WDR17: variants seen among roughly 807,000 people sequenced by gnomAD.
The protein encoded by WDR17 is WD repeat domain 17.
Under a neutral mutation model 161.7 loss-of-function variants are expected in WDR17, and 143 were observed. The observed-to-expected ratio is 0.88, with a 90% CI of 0.77 to 1.02. The LOEUF is 1.02. WDR17 is among the 50% of genes least tolerant of loss of function. WDR17 has a pLI of 0.00. For missense variants in WDR17, 1,469 were observed against 1,520.9 expected, an observed-to-expected ratio of 0.97 and a Z score of 0.57; for synonymous variants, 517 against 515.6, an observed-to-expected ratio of 1.00 and a Z score of -0.04.
At chr4:176,163,351 A>G in intron 22 of WDR17, 58 bp downstream of exon 22, 1 of 1,533,576 alleles carries the variant, frequency 6.5e-7, no homozygotes, top group Non-Finnish European at 8.8e-7. Context: ...TTTTTAAAAC[A>G]TTATAAATTC....
chr4:176,120,201 C>T, intron 4 of WDR17, 104 bp downstream of exon 4: 1 of 771,598 alleles, frequency 1.3e-6, no homozygotes, highest in Non-Finnish European at 2.0e-6. Flanking sequence ...GTGAATAAAA[C>T]CAAAAGTGAC....
chr4:176,176,934 A>T, intron 26 of WDR17, 124 bp from the exon 27 acceptor site: 1 of 642,722 alleles, frequency 1.6e-6, no homozygotes, highest in Non-Finnish European at 2.7e-6. Flanking sequence ...TATGTATATT[A>T]TATATAACGT....
chr4:176,110,577 T>G (rs1286322161), intron 1 of WDR17, among the ~76,000 whole-genome samples: 1 of 152,208 alleles, frequency 6.6e-6, no homozygotes, highest in Non-Finnish European at 1.5e-5. Flanking sequence ...TGCACAAATG[T>G]GTTTTTTAAG....
intron 1 of WDR17, among the ~76,000 whole-genome samples, chr4:176,102,614 G>C (rs1305494201): frequency 6.6e-6 from 1 of 152,144 alleles, no homozygotes; most frequent in Non-Finnish European, 1.5e-5. Flanking sequence ...CAGTAGACTG[G>C]TGGATAAATA....
chr4:176,106,745 G>GGAGTTC (rs1738796749), intron 1 of WDR17, among the ~76,000 whole-genome samples: 1 of 152,160 alleles, frequency 6.6e-6, no homozygotes, highest in African/African-American at 2.4e-5. Context: ...CTTGAGGCCA[G>GGAGTTC]GAGTTCGAGA....
intron 1 of WDR17, among the ~76,000 whole-genome samples, chr4:176,082,929 A>G (rs1385617): frequency 0.26 from 39,419 of 152,016 alleles, 5,948 homozygotes; most frequent in Admixed American, 0.43. Flanking sequence ...TTTCTGCTAC[A>G]TCAAGCCACT....
intron 1 of WDR17, among the ~76,000 whole-genome samples, chr4:176,093,006 C>A (rs562005635): frequency 1.3e-5 from 2 of 152,102 alleles, no homozygotes; most frequent in Admixed American, 6.6e-5. Flanking sequence ...TGTGCCACTA[C>A]ACTCCAGCCT....
At chr4:176,088,747 C>G (rs1230819357) in intron 1 of WDR17, among the ~76,000 whole-genome samples, 1 of 152,166 alleles carries the variant, frequency 6.6e-6, no homozygotes, top group Non-Finnish European at 1.5e-5. Context: ...TTTCCTTGAT[C>G]TAATCCATCT....
intron 21 of WDR17, 112 bp from the exon 22 acceptor site, chr4:176,163,042 A>T (rs1379283022): frequency 7.6e-7 from 1 of 1,313,084 alleles, no homozygotes; most frequent in Non-Finnish European, 1.1e-6. Context: ...ATTTTATAAG[A>T]ATAATTGATT....
chr4:176,106,022 C>T (rs544771649), intron 1 of WDR17, among the ~76,000 whole-genome samples: 5 of 151,970 alleles, frequency 3.3e-5, no homozygotes, highest in South Asian at 4.1e-4. Flanking sequence ...AAATTAAAAA[C>T]GTTATAAGAT....
chr4:176,163,318 T>G (rs1749319105), intron 22 of WDR17, 25 bp downstream of exon 22: 3 of 1,583,962 alleles, frequency 1.9e-6, no homozygotes, highest in Admixed American at 3.8e-5. Context: ...ATTCAAAGAA[T>G]AATTTCATAG....
rs150869290 is a variant in WDR17 at position 176,172,395 on chromosome 4, A to C, written c.3123A>C (p.Glu1041Asp). The change falls in exon 24 of 29, where the codon GAA becomes GAC. Residue 1041 changes from glutamate to aspartate, a missense_variant. By Grantham distance (45) the Glu-to-Asp change is conservative. Transcript: ENST00000508596. ...TCTAGTGTAAGCTACCCACAGTGGA[A>C]GAATGTATGCAGTTAGCTGAGACAG... The part of the protein sequence containing the change: ...LHDKCKLPTV[E>D]ECMQLAETAR... 5.0e-6 allele frequency: 8 copies of C among 1,608,004 alleles called. No individual in the cohort carries two copies. Among genetic ancestry groups the C allele is most frequent in the Non-Finnish European group, 6.8e-6 (8 of 1,178,690 alleles).
At chr4:176,143,942 G>A (rs943387652) in intron 11 of WDR17, among the ~76,000 whole-genome samples, 1 of 152,070 alleles carries the variant, frequency 6.6e-6, no homozygotes, top group African/African-American at 2.4e-5. Context: ...AGGATAAAAT[G>A]AAAACTTTTA....
chr4:176,076,408 G>GTTTTTTT (rs564678477), intron 1 of WDR17, among the ~76,000 whole-genome samples: 2 of 109,366 alleles, frequency 1.8e-5, no homozygotes, highest in Non-Finnish European at 1.8e-5. Flanking sequence ...GTCGTTGTTG[G>GTTTTTTT]TTTTTTTTTT....
At chr4:176,074,001 G>A (rs1374593465) in intron 1 of WDR17, among the ~76,000 whole-genome samples, 3 of 150,302 alleles carry the variant, frequency 2.0e-5, no homozygotes, top group Non-Finnish European at 4.4e-5. Flanking sequence ...CTGGATATTA[G>A]CCCTTTGTCA....
intron 26 of WDR17, among the ~76,000 whole-genome samples, chr4:176,176,361 A>G (rs559725052): frequency 6.6e-6 from 1 of 152,228 alleles, no homozygotes; most frequent in African/African-American, 2.4e-5. Context: ...GCTGCTTATA[A>G]TTATTTTCTT....
intron 11 of WDR17, among the ~76,000 whole-genome samples, chr4:176,144,159 G>A (rs1745773429): frequency 6.6e-6 from 1 of 152,098 alleles, no homozygotes; most frequent in African/African-American, 2.4e-5. Flanking sequence ...CCCTACCTGG[G>A]TGGGAGATAG....
rs1747990002 is a variant in WDR17 at position 176,155,683 on chromosome 4, T to C, written c.2461-396T>C. Among the ~76,000 whole-genome samples the C allele has an allele frequency of 4.1e-5, 6 of 145,942 alleles. No individual in the cohort carries two copies. The South Asian group carries it at 1.3e-3, about 32-fold the overall frequency. On this transcript the variant is annotated intron_variant, in intron 17 of 28. Coordinates refer to ENST00000508596, the MANE Select transcript of WDR17 (RefSeq NM_181265.4). ...ACTCAGCCTCCCAAGTAGCTAGAACTACAAGTGTGCACCACCACATCTGAC... is the reference window on the plus strand; with the variant it reads ...ACTCAGCCTCCCAAGTAGCTAGAACCACAAGTGTGCACCACCACATCTGAC...
chr4:176,092,995 T>C (rs1736330744), intron 1 of WDR17, among the ~76,000 whole-genome samples: 1 of 152,110 alleles, frequency 6.6e-6, no homozygotes, highest in South Asian at 2.1e-4. Flanking sequence ...TGAGCCCAGA[T>C]TGTGCCACTA....
Sources: gnomAD v4.1 joint callset for allele counts (sites outside exome capture counted in the v4.1 genomes callset) on GRCh38, gnomAD v4.1.1 for gene constraint, MANE v1.5 for transcripts, NCBI Gene and HGNC (gene_info 2026-07-23, HGNC 2026-07-21) for gene names.